MED19: variants seen among roughly 807,000 people sequenced by gnomAD.
MED19 encodes the protein mediator complex subunit 19, also known as mediator of RNA polymerase II transcription subunit 19.
In MED19, 4 loss-of-function variants were observed where a neutral mutation model predicts 19.9. The ratio of observed to expected loss-of-function variants is 0.20; its 90% confidence interval spans 0.10 to 0.46. The LOEUF is 0.46. Ranked by LOEUF, MED19 falls within the 20% of genes least tolerant of loss-of-function variation. MED19 has a pLI of 0.99. For synonymous variants in MED19, 139 were observed against 119.6 expected, an observed-to-expected ratio of 1.16 and a Z score of -1.06; for missense variants, 303 against 318.7, an observed-to-expected ratio of 0.95 and a Z score of 0.38.
intron 1 of MED19, among the ~76,000 whole-genome samples, chr11:57,709,987 C>G (rs979117398): frequency 6.6e-6 from 1 of 152,240 alleles, no homozygotes; most frequent in African/African-American, 2.4e-5. Flanking sequence ...TAACTTCTGA[C>G]TAATTTCCCC....
chr11:57,707,463 G>A (rs775838787), intron 1 of MED19, among the ~76,000 whole-genome samples: 1 of 152,178 alleles, frequency 6.6e-6, no homozygotes, highest in East Asian at 1.9e-4. Flanking sequence ...ACAATGTCTT[G>A]TTCATTCATG....
rs34198151 is a variant in MED19 at position 57,704,669 on chromosome 11, G to GTTTTTTTTTTT, written c.571+39_571+49dup. 3.7e-4 allele frequency: 470 copies of GTTTTTTTTTTT among 1,287,364 alleles called. 1 individual carries two copies. Among genetic ancestry groups the GTTTTTTTTTTT allele is most frequent in the South Asian group, 7.5e-4 (53 of 70,458 alleles). The allele number at this position is 1,287,364 out of a possible 1,614,324, so 79.7% of individuals were successfully genotyped here. ...GTTCAAACCAGATTCAGAAGGTCAGGTTTTTTTTTTTTTTTTTTTTTTTTT... is the reference window on the plus strand; with the variant it reads ...GTTCAAACCAGATTCAGAAGGTCAGGTTTTTTTTTTTTTTTTTTTTTTTTTTTTTTTTTTTT... On this transcript the variant is annotated intron_variant, in intron 3 of 4. Transcript: ENST00000431606.
chr11:57,704,237 G>T (rs1565203069), intron 4 of MED19, 65 bp downstream of exon 4: 2 of 1,528,536 alleles, frequency 1.3e-6, no homozygotes, highest in Non-Finnish European at 8.7e-7. Flanking sequence ...GAACTCTAGG[G>T]TATTTAGGAC....
intron 1 of MED19, among the ~76,000 whole-genome samples, chr11:57,709,715 T>A (rs896526899): frequency 6.6e-6 from 1 of 152,136 alleles, no homozygotes; most frequent in Non-Finnish European, 1.5e-5. Flanking sequence ...CATGCTGCTA[T>A]CCCTAGCTAA....
intron 1 of MED19, 100 bp from the exon 2 acceptor site, chr11:57,705,329 A>G: frequency 5.3e-6 from 7 of 1,320,896 alleles, no homozygotes; most frequent in Non-Finnish European, 6.1e-6. Context: ...TTTTAAGTGC[A>G]GATTTTAAAA....
chr11:57,709,273 C>T (rs145599914), intron 1 of MED19, among the ~76,000 whole-genome samples: 12 of 149,052 alleles, frequency 8.1e-5, no homozygotes, highest in Non-Finnish European at 1.3e-4. Context: ...CCGAACTACT[C>T]GGGAGGCTGA....
intron 1 of MED19, among the ~76,000 whole-genome samples, chr11:57,710,969 G>C (rs985333135): frequency 6.6e-6 from 1 of 152,188 alleles, no homozygotes; most frequent in African/African-American, 2.4e-5. Context: ...TGGGATTACA[G>C]GCGTGAGCAA....
At chr11:57,704,739 G>A (rs137985671) in exon 3 of MED19, 2 of 1,607,712 alleles carry the variant, frequency 1.2e-6, no homozygotes, top group Non-Finnish European at 8.5e-7. Flanking sequence ...AGGATCCTGG[G>A]TACGGCTCTG....
chr11:57,704,834 G>GGTC lies in MED19; in HGVS notation c.475-22_475-20dup. The GGTC allele has an allele frequency of 1.2e-6, 2 of 1,612,792 alleles. No individual in the cohort carries two copies. Among genetic ancestry groups the GGTC allele is most frequent in the Non-Finnish European group, 1.7e-6 (2 of 1,179,752 alleles). On this transcript the variant is annotated intron_variant, in intron 2 of 4. Coordinates refer to ENST00000431606, the Ensembl canonical transcript of MED19. ...CCGGCAACTGAAGGAACCAAAGGAA[G>GGTC]GTCCAGGTGAGTAGAGGGAGGAAAT...
chr11:57,712,066 C>T, exon 1 of MED19: 1 of 1,532,042 alleles, frequency 6.5e-7, no homozygotes, highest in Non-Finnish European at 8.8e-7. Context: ...TGCCGGGTCC[C>T]CCGCCCGCAG....
exon 5 of MED19, chr11:57,703,803 T>A (rs140029905): frequency 2.0e-4 from 98 of 485,900 alleles, no homozygotes; most frequent in Admixed American, 1.2e-3. Context: ...AAGAAAATTG[T>A]AAGCTTCCTG....
intron 1 of MED19, among the ~76,000 whole-genome samples, chr11:57,710,982 C>T (rs1171789587): frequency 6.6e-6 from 1 of 152,036 alleles, no homozygotes; most frequent in East Asian, 1.9e-4. Context: ...GTGAGCAACG[C>T]GCCTGGCCAC....
At chr11:57,705,205 G>A (rs1483701237) in exon 2 of MED19, 3 of 1,613,970 alleles carry the variant, frequency 1.9e-6, no homozygotes, top group Non-Finnish European at 2.5e-6. Flanking sequence ...GATCAGATTC[G>A]TGCTGCCTGT....
exon 1 of MED19, chr11:57,712,040 G>A: frequency 2.6e-6 from 4 of 1,537,268 alleles, no homozygotes; most frequent in Non-Finnish European, 3.5e-6. Context: ...CGTGGCCGCG[G>A]TGGGAGGCGG....
At chr11:57,704,868 CTCT>C (rs1946489398) in intron 2 of MED19, 53 bp from the exon 3 acceptor site, 2 of 1,609,002 alleles carry the variant, frequency 1.2e-6, no homozygotes, top group Non-Finnish European at 8.5e-7. Flanking sequence ...ATCTCTCCTG[CTCT>C]TATCATCCAT....
At chr11:57,712,151 G>C (rs1278115103) in exon 1 of MED19, 1 of 1,532,570 alleles carries the variant, frequency 6.5e-7, no homozygotes. Context: ...GTCAGCCTGA[G>C]CCCCAAACAG....
chr11:57,708,996 T>C (rs1565204714), intron 1 of MED19, among the ~76,000 whole-genome samples: 1 of 152,376 alleles, frequency 6.6e-6, no homozygotes, highest in Non-Finnish European at 1.5e-5. Context: ...AAATACTGCA[T>C]GTAAGTGTGT....
intron 2 of MED19, 57 bp from the exon 3 acceptor site, chr11:57,704,872 TATC>T (rs891331369): frequency 8.1e-6 from 13 of 1,609,718 alleles, no homozygotes; most frequent in African/African-American, 4.0e-5. Context: ...CTCCTGCTCT[TATC>T]ATCCATTCTG....
At chr11:57,710,591 C>A (rs983859900) in intron 1 of MED19, among the ~76,000 whole-genome samples, 2 of 152,188 alleles carry the variant, frequency 1.3e-5, no homozygotes, top group Non-Finnish European at 2.9e-5. Context: ...GTCTCTCCCT[C>A]CTGTCCATAC....
Sources: gnomAD v4.1 joint callset for allele counts (sites outside exome capture counted in the v4.1 genomes callset) on GRCh38, gnomAD v4.1.1 for gene constraint, MANE v1.5 for transcripts, NCBI Gene and HGNC (gene_info 2026-07-23, HGNC 2026-07-21) for gene names.